DPP9: variants seen among roughly 807,000 people sequenced by gnomAD.
DPP9 encodes the protein dipeptidyl peptidase IV-related protein-2.
A neutral mutation model predicts 110.7 loss-of-function variants in DPP9; 50 were observed. That is an observed-to-expected ratio of 0.45 (90% CI 0.36 to 0.57). The LOEUF (loss-of-function observed/expected upper bound fraction) is 0.57, where lower values mean the gene tolerates loss of function less well. DPP9 is among the 20% of genes least tolerant of loss of function. The pLI, the probability that DPP9 is intolerant of heterozygous loss-of-function variation, is 0.00. For synonymous variants in DPP9, 561 were observed against 514.4 expected (o/e 1.09, Z -1.23); for missense variants, 1,022 against 1,217.9 (o/e 0.84, Z 2.39).
rs924169581 is a variant in DPP9, at chr19:4,676,464, G to C, written c.*100C>G. ...TGGCCAGCGCTGGGCGGGACAAAGT[G>C]CCTCACTGGGGCCCGCGGGCCACTC... is the stretch of plus-strand genomic sequence containing the variant. On this transcript the variant is annotated 3_prime_UTR_variant, in exon 22 of 22. Transcript: ENST00000262960. The surrounding 1 kb of genome is among the most constrained non-coding windows in gnomAD (Gnocchi z 4.0). The C allele has an allele frequency of 9.7e-7, 1 of 1,030,018 alleles. No homozygotes were observed. The allele number at this position is 1,030,018 out of a possible 1,614,324, so 63.8% of individuals were successfully genotyped here. A position where few individuals can be genotyped will look rare whatever the true frequency, so the allele number is the denominator to read the frequency against.
At chr19:4,707,204 G>A (rs373984637) in intron 4 of DPP9, among the ~76,000 whole-genome samples, 10 of 152,296 alleles carry the variant, frequency 6.6e-5, no homozygotes, top group East Asian at 5.8e-4. Flanking sequence ...TCAGTAAGCC[G>A]CGGCTTTCCA....
Position 4,698,680 on chromosome 19 carries a change from G to T in DPP9, c.1075-1029C>A, listed in dbSNP as rs184910779. On this transcript the variant is annotated intron_variant, in intron 10 of 21. Transcript: ENST00000262960. This position sits in a 1 kb window ranked among gnomAD's most constrained non-coding sequence, Gnocchi z 4.2. The stretch of plus-strand genomic sequence containing the variant: ...AAGAGGATTGCCTTGAGCCTGGGAA[G>T]TTGAGGCTGCAGTGGGTCATGATTG... Among the ~76,000 whole-genome samples the T allele has an allele frequency of 7.7e-4, 117 of 152,104 alleles. 1 individual carries two copies. The East Asian group carries it at 0.021, about 28-fold the overall frequency.
chr19:4,695,088 C>T lies in DPP9; in HGVS notation c.1354-265G>A, dbSNP rs1464272057. 3 of 591,250 alleles carry T rather than the reference C, an allele frequency of 5.1e-6. No individual in the cohort carries two copies. Among genetic ancestry groups the T allele is most frequent in the African/African-American group, 1.9e-5 (1 of 53,724 alleles). The allele number at this position is 591,250 out of a possible 1,614,324, so 36.6% of individuals were successfully genotyped here. A position where few individuals can be genotyped will look rare whatever the true frequency, so the allele number is the denominator to read the frequency against. ...ATCACTTAGGCCCAGGAGGTCAAGGCTGCAGTGAGCTATGACCACACCACT... is the reference window on the plus strand; with the variant it reads ...ATCACTTAGGCCCAGGAGGTCAAGGTTGCAGTGAGCTATGACCACACCACT... On this transcript the variant is annotated intron_variant, in intron 12 of 21. Coordinates refer to ENST00000262960, the MANE Select transcript of DPP9 (RefSeq NM_139159.5). This position sits in a 1 kb window ranked among gnomAD's most constrained non-coding sequence, Gnocchi z 4.7.
intron 8 of DPP9, 145 bp from the exon 9 acceptor site, chr19:4,702,300 C>T: frequency 8.6e-7 from 1 of 1,165,760 alleles, no homozygotes; most frequent in Middle Eastern, 2.8e-4. Context: ...ATTCGCTAGA[C>T]CTTATGCCAG....
At position 4,694,464 on chromosome 19, in the gene DPP9, G is replaced by T; in HGVS notation, c.1516+197C>A. The T allele has an allele frequency of 1.4e-6, 1 of 696,120 alleles. No homozygotes were observed. Among genetic ancestry groups the T allele is most frequent in the Non-Finnish European group, 2.3e-6 (1 of 426,954 alleles). The allele number at this position is 696,120 out of a possible 1,614,324, so 43.1% of individuals were successfully genotyped here. A position where few individuals can be genotyped will look rare whatever the true frequency, so the allele number is the denominator to read the frequency against. ...GAGGTGCTCAGTAAATCTGCTGCCT[G>T]AATAAGCCAACAGTTGGGTGCTCTA... is the stretch of plus-strand genomic sequence containing the variant. On this transcript the variant is annotated intron_variant, in intron 13 of 21. Coordinates refer to ENST00000262960, the MANE Select transcript of DPP9 (RefSeq NM_139159.5). This position sits in a 1 kb window ranked among gnomAD's most constrained non-coding sequence, Gnocchi z 4.0.
Position 4,675,610 on chromosome 19 carries a change from A to C in DPP9, c.*954T>G, listed in dbSNP as rs2088758995. ...GCTTGGGGACAGGAGGGCTGTCCAC[A>C]GGTGGTGCCCCCCGCGGGCCCTGGC... On this transcript the variant is annotated 3_prime_UTR_variant, in exon 22 of 22. Transcript: ENST00000262960. 1 of 152,206 alleles carries C rather than the reference A, an allele frequency of 6.6e-6. No individual in the cohort carries two copies. Among genetic ancestry groups the C allele is most frequent in the Admixed American group, 6.5e-5 (1 of 15,272 alleles). 9.4% of individuals were successfully genotyped at this position (152,206 alleles called of 1,614,324 possible). A position where few individuals can be genotyped will look rare whatever the true frequency, so the allele number is the denominator to read the frequency against.
At chr19:4,677,386 G>A (rs2089011923) in intron 21 of DPP9, among the ~76,000 whole-genome samples, 1 of 152,130 alleles carries the variant, frequency 6.6e-6, no homozygotes, top group African/African-American at 2.4e-5. Context: ...GAACCCCGGG[G>A]CTGGCCGGCA....
rs1432828967 is a variant in DPP9, at chr19:4,695,633, G to C, written c.1176-78C>G. ...CCTGCACAGAGAAGCTGGGGACGCA[G>C]CGTCCAAACCCGTGTGGAATCAGGG... On this transcript the variant is annotated intron_variant, in intron 11 of 21. Coordinates refer to ENST00000262960, the MANE Select transcript of DPP9 (RefSeq NM_139159.5). This position sits in a 1 kb window ranked among gnomAD's most constrained non-coding sequence, Gnocchi z 4.7. 1 of 1,297,260 alleles carries C rather than the reference G, an allele frequency of 7.7e-7. No individual in the cohort carries two copies. The highest frequency in any genetic ancestry group is 1.0e-6 in the Non-Finnish European group (1 of 977,522). 80.4% of individuals were successfully genotyped at this position (1,297,260 alleles called of 1,614,324 possible). A position where few individuals can be genotyped will look rare whatever the true frequency, so the allele number is the denominator to read the frequency against.
In DPP9 at chr19:4,718,963, C is replaced by T. The variant is rs1432496960; in HGVS notation, c.56+888G>A. On this transcript the variant is annotated intron_variant, in intron 3 of 21. Coordinates refer to ENST00000262960, the MANE Select transcript of DPP9 (RefSeq NM_139159.5). This position sits in a 1 kb window ranked among gnomAD's most constrained non-coding sequence, Gnocchi z 4.3. ...CCTGAGACATGGAGTTTACTGACTGCCCCGGGGGGTGCGTGTCTAACCACA... is the reference window on the plus strand; with the variant it reads ...CCTGAGACATGGAGTTTACTGACTGTCCCGGGGGGTGCGTGTCTAACCACA... Among the ~76,000 whole-genome samples the T allele has an allele frequency of 6.6e-6, 1 of 152,088 alleles. No individual in the cohort carries two copies. The highest frequency in any genetic ancestry group is 2.4e-5 in the African/African-American group (1 of 41,388).
At chr19:4,690,787 G>C in intron 14 of DPP9, 91 bp downstream of exon 14, 1 of 956,982 alleles carries the variant, frequency 1.0e-6, no homozygotes, top group Non-Finnish European at 1.6e-6. Context: ...GTGAGTGTAT[G>C]TGTGTGTATG....
At chr19:4,714,399 T>A in intron 3 of DPP9, 62 bp from the exon 4 acceptor site, 1 of 1,442,322 alleles carries the variant, frequency 6.9e-7, no homozygotes, top group Non-Finnish European at 9.1e-7. Flanking sequence ...GCTGCCCCAA[T>A]GCTGCCCCTT....
intron 20 of DPP9, among the ~76,000 whole-genome samples, chr19:4,680,513 A>AC (rs2089696583): frequency 1.3e-5 from 2 of 151,816 alleles, no homozygotes; most frequent in Admixed American, 6.6e-5. Flanking sequence ...GTTGTTTGAG[A>AC]CCAGCCTGGG....
Position 4,676,757 on chromosome 19 carries a change from G to A in DPP9, c.2587-101C>T, listed in dbSNP as rs762494932. 17 of 911,674 alleles carry A rather than the reference G, an allele frequency of 1.9e-5. No individual in the cohort carries two copies. The highest frequency in any genetic ancestry group is 2.8e-5 in the South Asian group (2 of 70,630). The allele number at this position is 911,674 out of a possible 1,614,324, so 56.5% of individuals were successfully genotyped here. On this transcript the variant is annotated intron_variant, in intron 21 of 21. Coordinates refer to ENST00000262960, the MANE Select transcript of DPP9 (RefSeq NM_139159.5). The surrounding 1 kb of genome is among the most constrained non-coding windows in gnomAD (Gnocchi z 4.0). The stretch of plus-strand genomic sequence containing the variant: ...GCTCAGGGCATCCGGGAAGGCGCAG[G>A]TGCTCTGAGGCCCAGTGATCTGGGT...
At chr19:4,677,839 C>G (rs1044451061) in intron 21 of DPP9, among the ~76,000 whole-genome samples, 2 of 152,224 alleles carry the variant, frequency 1.3e-5, no homozygotes, top group East Asian at 3.9e-4. Flanking sequence ...GAGGGTCTGT[C>G]TGGCTCCCCA....
Position 4,695,645 on chromosome 19 carries a change from G to A in DPP9, c.1176-90C>T, listed in dbSNP as rs2091740310. 8.4e-6 allele frequency: 10 copies of A among 1,195,140 alleles called. No individual in the cohort carries two copies. The highest frequency in any genetic ancestry group is 1.1e-5 in the Non-Finnish European group (10 of 895,878). 74.0% of individuals were successfully genotyped at this position (1,195,140 alleles called of 1,614,324 possible). A position where few individuals can be genotyped will look rare whatever the true frequency, so the allele number is the denominator to read the frequency against. On this transcript the variant is annotated intron_variant, in intron 11 of 21. Transcript: ENST00000262960. This position sits in a 1 kb window ranked among gnomAD's most constrained non-coding sequence, Gnocchi z 4.7. ...AGCTGGGGACGCAGCGTCCAAACCCGTGTGGAATCAGGGCTGGGCTTCCTG... is the reference window on the plus strand; with the variant it reads ...AGCTGGGGACGCAGCGTCCAAACCCATGTGGAATCAGGGCTGGGCTTCCTG...
Position 4,676,677 on chromosome 19 carries a change from G to T in DPP9, c.2587-21C>A. ...TAGATCTGCGGGGAGACAGGAGGCA[G>T]GGCTGGGGGGCGTGGCCGGACCACC... is the stretch of plus-strand genomic sequence containing the variant. On this transcript the variant is annotated intron_variant, in intron 21 of 21. Transcript: ENST00000262960. The surrounding 1 kb of genome is among the most constrained non-coding windows in gnomAD (Gnocchi z 4.0). 1 of 1,578,424 alleles carries T rather than the reference G, an allele frequency of 6.3e-7. No homozygotes were observed.
In DPP9 at chr19:4,690,945, C is replaced by T; in HGVS notation, c.1529G>A (p.Cys510Tyr). ...PFSPGEDEFKCPIKEEIALTS... is the reference protein window; with the variant it reads ...PFSPGEDEFKYPIKEEIALTS... ...CAGAGCAATCTCTTCCTTAATGGGG[C>T]ACTTAAATTCATCTGGAAAGAAAGA... The change falls in exon 14 of 22, where the codon TGC (cysteine) becomes TAC (tyrosine). Residue 510 changes from cysteine (C) to tyrosine (Y), a missense_variant. Coordinates refer to ENST00000262960, the MANE Select transcript of DPP9 (RefSeq NM_139159.5). 1 of 1,612,664 alleles carries T rather than the reference C, an allele frequency of 6.2e-7. No homozygotes were observed. The highest frequency in any genetic ancestry group is 8.5e-7 in the Non-Finnish European group (1 of 1,179,400).
chr19:4,699,888 C>G (rs555763518), intron 10 of DPP9, among the ~76,000 whole-genome samples: 5 of 152,230 alleles, frequency 3.3e-5, no homozygotes, highest in African/African-American at 9.6e-5. Flanking sequence ...TGGATCCACA[C>G]GTCACCCACT....
intron 19 of DPP9, 53 bp downstream of exon 19, chr19:4,683,424 G>T: frequency 6.2e-7 from 1 of 1,606,590 alleles, no homozygotes; most frequent in Non-Finnish European, 8.5e-7. Flanking sequence ...CGGCGTAGAT[G>T]GGGAAGGGGG....
Sources: allele counts gnomAD v4.1 joint callset (sites outside exome capture counted in the v4.1 genomes callset), GRCh38; gene constraint gnomAD v4.1.1; non-coding constraint Gnocchi (gnomAD v3.1); transcripts MANE v1.5; gene names NCBI Gene and HGNC (gene_info 2026-07-23, HGNC 2026-07-21).